The following SUPT3H variants were observed in gnomAD, a reference collection of about 807,000 sequenced individuals.
SUPT3H encodes the protein transcription initiation protein SPT3 homolog.
Under a neutral mutation model 44.3 loss-of-function variants are expected in SUPT3H, and 44 were observed. That is an observed-to-expected ratio of 0.99 (90% CI 0.78 to 1.28). The LOEUF (loss-of-function observed/expected upper bound fraction) is 1.28, where lower values mean the gene tolerates loss of function less well. Among genes scored for constraint, SUPT3H ranks in the 50% most tolerant of loss-of-function variants. SUPT3H has a pLI of 0.00. For synonymous variants in SUPT3H, 124 were observed against 125.6 expected (o/e 0.99, Z 0.09); for missense variants, 380 against 387.1 (o/e 0.98, Z 0.15).
chr6:45,028,196 C>A (rs1479379900), intron 3 of SUPT3H, among the ~76,000 whole-genome samples: 3 of 152,184 alleles, frequency 2.0e-5, no homozygotes, highest in African/African-American at 7.2e-5. Context: ...ATTTCTAATA[C>A]TGGAGATCAT....
intron 2 of SUPT3H, among the ~76,000 whole-genome samples, chr6:45,343,817 C>G (rs1790310783): frequency 6.6e-6 from 1 of 152,114 alleles, no homozygotes; most frequent in Admixed American, 6.5e-5. Context: ...TGAGGAAAAC[C>G]ATTTGGCTCC....
intron 2 of SUPT3H, among the ~76,000 whole-genome samples, chr6:45,356,013 G>C (rs1286718454): frequency 6.6e-6 from 1 of 152,108 alleles, no homozygotes; most frequent in Admixed American, 6.5e-5. Context: ...GGCAAAAACT[G>C]GTTGTAACGT....
intron 3 of SUPT3H, among the ~76,000 whole-genome samples, chr6:45,034,918 G>A (rs558848334): frequency 6.6e-6 from 1 of 152,146 alleles, no homozygotes; most frequent in Non-Finnish European, 1.5e-5. Flanking sequence ...TCCACAGCTA[G>A]TAGACAACTT....
At chr6:45,080,033 A>G (rs1176011266) in intron 3 of SUPT3H, among the ~76,000 whole-genome samples, 1 of 152,206 alleles carries the variant, frequency 6.6e-6, no homozygotes, top group East Asian at 1.9e-4. Flanking sequence ...GGGAGAAAAT[A>G]TTTGTAAACT....
chr6:45,073,358 T>C (rs531257715), intron 3 of SUPT3H, among the ~76,000 whole-genome samples: 1 of 152,070 alleles, frequency 6.6e-6, no homozygotes, highest in African/African-American at 2.4e-5. Flanking sequence ...GAGAATACAA[T>C]CTACCCATGG....
chr6:45,224,562 G>C (rs1261482077), intron 2 of SUPT3H, among the ~76,000 whole-genome samples: 1 of 152,136 alleles, frequency 6.6e-6, no homozygotes, highest in African/African-American at 2.4e-5. Context: ...ACTGGATCAA[G>C]AGGTCAGGAG....
chr6:45,164,008 T>A (rs1047635658), intron 2 of SUPT3H, among the ~76,000 whole-genome samples: 3 of 152,176 alleles, frequency 2.0e-5, no homozygotes, highest in Non-Finnish European at 4.4e-5. Context: ...TGTGTTTTCA[T>A]GATCATTAAC....
At chr6:45,270,734 A>G (rs866636264) in intron 2 of SUPT3H, among the ~76,000 whole-genome samples, 40 of 152,232 alleles carry the variant, frequency 2.6e-4, no homozygotes, top group Non-Finnish European at 2.9e-5. Context: ...AAAATGTGAA[A>G]GCAACTTTGG....
chr6:44,895,839 T>C (rs1263743637), intron 10 of SUPT3H, among the ~76,000 whole-genome samples: 1 of 152,106 alleles, frequency 6.6e-6, no homozygotes, highest in Non-Finnish European at 1.5e-5. Flanking sequence ...AAGTTCATTC[T>C]CTTTATCCAA....
At chr6:45,008,810 G>A (rs977000459) in intron 5 of SUPT3H, among the ~76,000 whole-genome samples, 2 of 151,730 alleles carry the variant, frequency 1.3e-5, no homozygotes, top group Admixed American at 6.6e-5. Flanking sequence ...GCACAATCAC[G>A]GCTCACTGCA....
chr6:44,942,534 T>TC (rs561465313), intron 9 of SUPT3H, among the ~76,000 whole-genome samples: 6 of 152,062 alleles, frequency 3.9e-5, no homozygotes, highest in African/African-American at 1.4e-4. Flanking sequence ...AGAAAGGAAA[T>TC]CCCCAAAGGG....
intron 6 of SUPT3H, among the ~76,000 whole-genome samples, chr6:44,968,811 C>CT (rs1238676946): frequency 2.0e-5 from 3 of 152,172 alleles, no homozygotes; most frequent in Non-Finnish European, 1.5e-5. Context: ...TGGCTCTAAA[C>CT]TAAGCACTGC....
chr6:45,201,620 G>A (rs929208546), intron 2 of SUPT3H, among the ~76,000 whole-genome samples: 5 of 151,772 alleles, frequency 3.3e-5, no homozygotes, highest in African/African-American at 1.2e-4. Flanking sequence ...AGTATGGAAT[G>A]GATTATAGTA....
intron 10 of SUPT3H, among the ~76,000 whole-genome samples, chr6:44,858,941 C>T (rs1426502615): frequency 6.6e-6 from 1 of 151,878 alleles, no homozygotes. Flanking sequence ...TGACAAAAAG[C>T]CAAAGATAAA....
At chr6:45,303,671 T>TG (rs1782510896) in intron 2 of SUPT3H, among the ~76,000 whole-genome samples, 1 of 113,068 alleles carries the variant, frequency 8.8e-6, no homozygotes, top group Non-Finnish European at 1.8e-5. Context: ...ATTCTAGAAG[T>TG]AAAAAAAAAA....
At chr6:45,033,327 AATCT>A (rs1408218032) in intron 3 of SUPT3H, among the ~76,000 whole-genome samples, 1 of 152,160 alleles carries the variant, frequency 6.6e-6, no homozygotes, top group Non-Finnish European at 1.5e-5. Flanking sequence ...AGATTTAAAA[AATCT>A]ATTATTTTTA....
intron 10 of SUPT3H, among the ~76,000 whole-genome samples, chr6:44,878,499 GA>G (rs1777663913): frequency 6.6e-6 from 1 of 151,702 alleles, no homozygotes; most frequent in South Asian, 2.1e-4. Context: ...AGATCGTGTT[GA>G]AGTTACTGTG....
intron 6 of SUPT3H, among the ~76,000 whole-genome samples, chr6:44,977,690 C>T (rs1455925128): frequency 6.6e-6 from 1 of 151,976 alleles, no homozygotes; most frequent in Admixed American, 6.6e-5. Context: ...AAAATCAGTG[C>T]TCTTTCTACT....
At chr6:44,826,220 T>C (rs987066128), downstream of SUPT3H, among the ~76,000 whole-genome samples, 17 of 152,354 alleles carry the variant, frequency 1.1e-4, no homozygotes, top group Non-Finnish European at 2.1e-4. Context: ...TGTTTAAGCT[T>C]GGCTAGATGC....
Sources: allele counts gnomAD v4.1 joint callset (sites outside exome capture counted in the v4.1 genomes callset), GRCh38; gene constraint gnomAD v4.1.1; transcripts MANE v1.5; gene names NCBI Gene and HGNC (gene_info 2026-07-23, HGNC 2026-07-21).